Variants in PRKCZ observed in about 807,000 individuals in gnomAD.
PRKCZ encodes protein kinase C zeta type.
A neutral mutation model predicts 79.5 loss-of-function variants in PRKCZ; 33 were observed. The ratio of observed to expected loss-of-function variants is 0.41; its 90% CI spans 0.31 to 0.55. The LOEUF is 0.55. Among genes scored for constraint, PRKCZ ranks in the 20% least tolerant of loss-of-function variants. The probability of loss-of-function intolerance (pLI) is 0.19; values close to 1 mark genes in which losing one functional copy is unlikely to be tolerated. For missense variants in PRKCZ, 578 were observed against 813.5 expected (o/e 0.71, Z 3.52); for synonymous variants, 342 against 320.9 (o/e 1.07, Z -0.70).
chr1:2,105,226 C>A lies in PRKCZ; in HGVS notation c.335-30036C>A, dbSNP rs182784574. On this transcript the variant is annotated intron_variant, in intron 4 of 17. Transcript: ENST00000378567. ...TTGCGCTGTGTACCGGCACTGCCGC[C>A]CAGCAGGTGACCCCAGCAGCTGGTT... is the stretch of plus-strand genomic sequence containing the variant. 2.7e-3 allele frequency among the ~76,000 whole-genome samples: 414 copies of A among 152,308 alleles called. 7 individuals carry two copies. The highest frequency in any genetic ancestry group is 9.0e-3 in the African/African-American group (374 of 41,558).
chr1:2,099,359 G>A (rs1188204243), intron 4 of PRKCZ, among the ~76,000 whole-genome samples: 1 of 152,212 alleles, frequency 6.6e-6, no homozygotes, highest in Non-Finnish European at 1.5e-5. Flanking sequence ...CAGGCTGGGC[G>A]GCTGCCAGAG....
intron 1 of PRKCZ, among the ~76,000 whole-genome samples, chr1:2,052,899 C>T (rs569374364): frequency 3.0e-4 from 46 of 152,264 alleles, no homozygotes; most frequent in South Asian, 1.5e-3. Context: ...ATGGCCACCC[C>T]GTCATCCTTG....
intron 4 of PRKCZ, among the ~76,000 whole-genome samples, chr1:2,062,846 TG>T (rs1228543609): frequency 6.6e-6 from 1 of 152,156 alleles, no homozygotes; most frequent in Non-Finnish European, 1.5e-5. Flanking sequence ...TTCGCATTGC[TG>T]TCCAGTCATC....
intron 4 of PRKCZ, among the ~76,000 whole-genome samples, chr1:2,059,905 C>A (rs547780303): frequency 6.6e-6 from 1 of 152,198 alleles, no homozygotes; most frequent in South Asian, 2.1e-4. Context: ...GTGGCTGCCT[C>A]AGCTCACGAC....
chr1:2,167,503 G>C (rs573917484), intron 10 of PRKCZ, among the ~76,000 whole-genome samples: 1 of 152,172 alleles, frequency 6.6e-6, no homozygotes, highest in Non-Finnish European at 1.5e-5. Flanking sequence ...GGCTCCTCTC[G>C]GGGGGACAGG....
At chr1:2,090,414 G>T (rs577454882) in intron 4 of PRKCZ, among the ~76,000 whole-genome samples, 1 of 152,166 alleles carries the variant, frequency 6.6e-6, no homozygotes, top group Non-Finnish European at 1.5e-5. Flanking sequence ...AGGGGCGTGG[G>T]CTCAGCACTG....
intron 4 of PRKCZ, chr1:2,074,353 TGG>T: frequency 2.0e-6 from 3 of 1,531,152 alleles, no homozygotes; most frequent in Non-Finnish European, 2.6e-6. Flanking sequence ...GAAATCGTCT[TGG>T]GCTCGTCTGC....
intron 16 of PRKCZ, among the ~76,000 whole-genome samples, chr1:2,180,645 C>A (rs1686427120): frequency 6.6e-6 from 1 of 152,170 alleles, no homozygotes; most frequent in Non-Finnish European, 1.5e-5. Context: ...TGCACGGACA[C>A]CCAGATGACA....
rs1659549641 is a variant in PRKCZ, at chr1:2,050,609, ACGG to A, written c.-15_-13del. The A allele has an allele frequency of 8.2e-7, 1 of 1,216,932 alleles. No homozygotes were observed. The highest frequency in any genetic ancestry group is 3.2e-5 in the East Asian group (1 of 30,950). The allele number at this position is 1,216,932 out of a possible 1,614,324, so 75.4% of individuals were successfully genotyped here. ...CCGGAGCTCCCGGGGCGCAGCGCTG[ACGG>A]CGGCGGGGGGAGCGCGCCATGCCCA... On this transcript the variant is annotated 5_prime_UTR_variant, in exon 1 of 18. Transcript: ENST00000378567.
At chr1:2,154,352 C>G (rs529139114) in intron 9 of PRKCZ, among the ~76,000 whole-genome samples, 1 of 152,120 alleles carries the variant, frequency 6.6e-6, no homozygotes. Context: ...AGACTCGAAG[C>G]CACTCCATTG....
At chr1:2,059,846 G>A (rs993534649) in intron 4 of PRKCZ, among the ~76,000 whole-genome samples, 5 of 152,126 alleles carry the variant, frequency 3.3e-5, no homozygotes, top group South Asian at 2.1e-4. Flanking sequence ...GTGCCCTGCC[G>A]TCTCCCTAGG....
In PRKCZ at chr1:2,094,461, G is replaced by T. The variant is rs3107131; in HGVS notation, c.334+34870G>T. Among the ~76,000 whole-genome samples the T allele has an allele frequency of 6.9e-6, 1 of 145,778 alleles. No homozygotes were observed. Among genetic ancestry groups the T allele is most frequent in the South Asian group, 2.2e-4 (1 of 4,602 alleles). On this transcript the variant is annotated intron_variant, in intron 4 of 17. Coordinates refer to ENST00000378567, the MANE Select transcript of PRKCZ (RefSeq NM_002744.6). This position sits in a 1 kb window ranked among gnomAD's most constrained non-coding sequence, Gnocchi z 7.3. The stretch of plus-strand genomic sequence containing the variant: ...CTGAGGCACCCGCTGTGCCCGGCTC[G>T]TTGAACCTTGGGCGCTGCCCGTTCT...
chr1:2,171,078 C>G (rs964540476), intron 11 of PRKCZ, among the ~76,000 whole-genome samples: 1 of 152,126 alleles, frequency 6.6e-6, no homozygotes, highest in Non-Finnish European at 1.5e-5. Flanking sequence ...CGCCTGTAAT[C>G]CCAGCACTTT....
chr1:2,062,953 T>A lies in PRKCZ; in HGVS notation c.334+3362T>A, dbSNP rs57893502. Among the ~76,000 whole-genome samples the A allele has an allele frequency of 0.011, 1,652 of 149,442 alleles. 140 individuals are homozygous for A. The East Asian group carries it at 0.22, about 20-fold the overall frequency. ...CCCATTCTGCCTCCCCCAGCCCCCA[T>A]CACCCACCCGCCGCTTTCTGTTTCT... On this transcript the variant is annotated intron_variant, in intron 4 of 17. Coordinates refer to ENST00000378567, the MANE Select transcript of PRKCZ (RefSeq NM_002744.6).
Position 2,055,437 on chromosome 1 carries a change from C to G in PRKCZ, c.72-4C>G. 6.2e-7 allele frequency: 1 copy of G among 1,610,374 alleles called. No homozygotes were observed. The highest frequency in any genetic ancestry group is 1.1e-5 in the South Asian group (1 of 90,678). ...AACAGATGCCCATGTCCCCTCTGCC[C>G]CAGGGACATCTTCATCACCAGCGTG... On this transcript the variant is annotated splice_polypyrimidine_tract_variant and splice_region_variant and intron_variant, in intron 1 of 17. Coordinates refer to ENST00000378567, the MANE Select transcript of PRKCZ (RefSeq NM_002744.6).
intron 4 of PRKCZ, among the ~76,000 whole-genome samples, chr1:2,068,314 C>T (rs751093947): frequency 1.3e-5 from 2 of 152,250 alleles, no homozygotes; most frequent in Non-Finnish European, 2.9e-5. Flanking sequence ...GAAGCTGGAG[C>T]TGGGAGGCTG....
At chr1:2,152,101 T>G (rs1183948402) in intron 9 of PRKCZ, among the ~76,000 whole-genome samples, 1 of 152,196 alleles carries the variant, frequency 6.6e-6, no homozygotes, top group Non-Finnish European at 1.5e-5. Flanking sequence ...TCTGCCCGCC[T>G]CAGCCTGCTA....
In PRKCZ at chr1:2,161,463, G is replaced by A. The variant is rs3765925; in HGVS notation, c.974+5371G>A. ...ATGCATCCTCCCAGAGCCCTGGGCA[G>A]TGAGGGGCCCTCGGGGACCCCCAGG... On this transcript the variant is annotated intron_variant, in intron 10 of 17. Coordinates refer to ENST00000378567, the MANE Select transcript of PRKCZ (RefSeq NM_002744.6). 9.4e-3 allele frequency among the ~76,000 whole-genome samples: 1,439 copies of A among 152,348 alleles called. 27 individuals carry two copies. Among genetic ancestry groups the A allele is most frequent in the East Asian group, 0.081 (421 of 5,170 alleles).
chr1:2,166,533 G>A (rs998174432), intron 10 of PRKCZ, among the ~76,000 whole-genome samples: 7 of 152,224 alleles, frequency 4.6e-5, no homozygotes, highest in Non-Finnish European at 1.0e-4. Flanking sequence ...GCCAGGACAG[G>A]GAGCAGGGAG....
Sources: allele counts gnomAD v4.1 joint callset (sites outside exome capture counted in the v4.1 genomes callset), GRCh38; gene constraint gnomAD v4.1.1; non-coding constraint Gnocchi (gnomAD v3.1); transcripts MANE v1.5; gene names NCBI Gene and HGNC (gene_info 2026-07-23, HGNC 2026-07-21).